Variants in KIFAP3 observed in about 807,000 individuals in gnomAD.
The protein encoded by KIFAP3 is kinesin-associated protein 3.
In KIFAP3, 68 loss-of-function variants were observed where a neutral mutation model predicts 106.5. The ratio of observed to expected loss-of-function variants is 0.64; its 90% confidence interval spans 0.53 to 0.78. The LOEUF (loss-of-function observed/expected upper bound fraction) is 0.78, where lower values mean the gene tolerates loss of function less well. KIFAP3 is among the 30% of genes least tolerant of loss of function. The pLI is 0.00. For missense variants in KIFAP3, 780 were observed against 941.8 expected, an observed-to-expected ratio of 0.83 and a Z score of 2.25; for synonymous variants, 320 against 311.5, an observed-to-expected ratio of 1.03 and a Z score of -0.29.
chr1:169,935,215 T>A (rs1663723772), intron 19 of KIFAP3, among the ~76,000 whole-genome samples: 1 of 152,072 alleles, frequency 6.6e-6, no homozygotes, highest in South Asian at 2.1e-4. Context: ...TCAATATAGC[T>A]TTATAGGTTT....
intron 2 of KIFAP3, among the ~76,000 whole-genome samples, chr1:170,053,434 T>A (rs1377372410): frequency 2.6e-5 from 4 of 151,964 alleles, no homozygotes; most frequent in Non-Finnish European, 5.9e-5. Context: ...TCGATGCTAT[T>A]CCCATCAAGC....
intron 10 of KIFAP3, among the ~76,000 whole-genome samples, chr1:169,996,059 A>G (rs1293230731): frequency 6.6e-6 from 1 of 152,132 alleles, no homozygotes; most frequent in East Asian, 1.9e-4. Flanking sequence ...TCTCAGATAT[A>G]ACAATTTATA....
intron 17 of KIFAP3, among the ~76,000 whole-genome samples, chr1:169,970,960 T>G (rs1403268509): frequency 6.6e-6 from 1 of 151,948 alleles, no homozygotes; most frequent in Non-Finnish European, 1.5e-5. Flanking sequence ...AGACACAGGG[T>G]TGGGGTGACT....
intron 15 of KIFAP3, among the ~76,000 whole-genome samples, chr1:169,979,080 C>T (rs1438076507): frequency 6.6e-6 from 1 of 152,068 alleles, no homozygotes; most frequent in African/African-American, 2.4e-5. Context: ...AATCTCATGT[C>T]AGAGAACACC....
At chr1:170,066,583 GAA>G (rs1671457196) in intron 1 of KIFAP3, among the ~76,000 whole-genome samples, 1 of 152,174 alleles carries the variant, frequency 6.6e-6, no homozygotes, top group South Asian at 2.1e-4. Context: ...GGTAAATCTT[GAA>G]TTTGAGGCTA....
intron 19 of KIFAP3, among the ~76,000 whole-genome samples, chr1:169,942,255 TTTTA>T (rs1277341214): frequency 6.6e-6 from 1 of 152,214 alleles, no homozygotes; most frequent in African/African-American, 2.4e-5. Context: ...AACCATTTTA[TTTTA>T]TTTGAGGAGA....
intron 1 of KIFAP3, among the ~76,000 whole-genome samples, chr1:170,072,085 A>G (rs1671731966): frequency 6.6e-6 from 1 of 152,226 alleles, no homozygotes; most frequent in Admixed American, 6.5e-5. Flanking sequence ...AATGACTTTT[A>G]CACAGTAGAA....
In KIFAP3 at chr1:169,969,355, C is replaced by G. The variant is rs1248802917; in HGVS notation, c.1983+3158G>C. Among the ~76,000 whole-genome samples the G allele has an allele frequency of 2.0e-5, 3 of 151,984 alleles. No homozygotes were observed. The East Asian group carries it at 5.8e-4, about 29-fold the overall frequency. ...AAGATTATTAATAAGACCACCTTTT[C>G]TCTGACACAGGCTTCCTTGGTTATC... On this transcript the variant is annotated intron_variant, in intron 17 of 19. Coordinates refer to ENST00000361580, the MANE Select transcript of KIFAP3 (RefSeq NM_014970.4).
chr1:169,961,896 T>C (rs1234979697), intron 17 of KIFAP3, among the ~76,000 whole-genome samples: 1 of 152,174 alleles, frequency 6.6e-6, no homozygotes. Context: ...CAGTTAACAG[T>C]AGGCTATTAG....
At chr1:169,985,642 C>A (rs550021353) in intron 11 of KIFAP3, among the ~76,000 whole-genome samples, 2 of 151,888 alleles carry the variant, frequency 1.3e-5, no homozygotes, top group African/African-American at 4.8e-5. Context: ...TAAACACAGG[C>A]CTGAGTTTAG....
At chr1:170,045,428 G>T (rs1256718633) in intron 3 of KIFAP3, among the ~76,000 whole-genome samples, 3 of 152,072 alleles carry the variant, frequency 2.0e-5, no homozygotes, top group Non-Finnish European at 4.4e-5. Context: ...GATTCCTTAT[G>T]GAAAAGTTTC....
At chr1:170,001,946 T>A (rs998549611) in intron 10 of KIFAP3, among the ~76,000 whole-genome samples, 1 of 152,266 alleles carries the variant, frequency 6.6e-6, no homozygotes, top group Admixed American at 6.5e-5. Context: ...TAATATAAAG[T>A]AAATAAGTGA....
At chr1:169,947,736 G>A (rs963052842) in intron 19 of KIFAP3, among the ~76,000 whole-genome samples, 2 of 151,724 alleles carry the variant, frequency 1.3e-5, no homozygotes, top group Non-Finnish European at 3.0e-5. Context: ...AGATGTGGCA[G>A]TGATGTATCC....
intron 18 of KIFAP3, among the ~76,000 whole-genome samples, chr1:169,955,090 G>A (rs1318644303): frequency 6.6e-6 from 1 of 152,182 alleles, no homozygotes; most frequent in Non-Finnish European, 1.5e-5. Flanking sequence ...TATTTGGACA[G>A]CTTTGAGGCC....
At chr1:169,930,176 T>C (rs747154097) in intron 19 of KIFAP3, among the ~76,000 whole-genome samples, 25 of 152,178 alleles carry the variant, frequency 1.6e-4, no homozygotes, top group Admixed American at 3.3e-4. Context: ...AAGTTTTCTA[T>C]TCCTTTTTAT....
At chr1:169,937,036 C>G (rs1371940665) in intron 19 of KIFAP3, among the ~76,000 whole-genome samples, 2 of 150,332 alleles carry the variant, frequency 1.3e-5, no homozygotes, top group Admixed American at 6.6e-5. Flanking sequence ...CCATTGATGT[C>G]CAGATACTGA....
At chr1:169,933,097 C>T (rs1663583744) in intron 19 of KIFAP3, among the ~76,000 whole-genome samples, 1 of 151,914 alleles carries the variant, frequency 6.6e-6, no homozygotes, top group African/African-American at 2.4e-5. Flanking sequence ...TCTTTTTAAA[C>T]AGCTAAGCAT....
upstream of KIFAP3, among the ~76,000 whole-genome samples, chr1:170,078,224 A>T (rs1419169668): frequency 6.0e-5 from 9 of 151,002 alleles, no homozygotes; most frequent in East Asian, 3.9e-4. Context: ...TTTTTTTTTT[A>T]AATTTGTCTG....
chr1:170,007,555 C>T (rs1668029591), intron 10 of KIFAP3, among the ~76,000 whole-genome samples: 1 of 152,070 alleles, frequency 6.6e-6, no homozygotes, highest in Non-Finnish European at 1.5e-5. Context: ...AGGTATACAA[C>T]TTAAAAGGGA....
Sources: gnomAD v4.1 joint callset for allele counts (sites outside exome capture counted in the v4.1 genomes callset) on GRCh38, gnomAD v4.1.1 for gene constraint, MANE v1.5 for transcripts, NCBI Gene and HGNC (gene_info 2026-07-23, HGNC 2026-07-21) for gene names.